The following GMDS variants were observed in gnomAD, a reference collection of about 807,000 sequenced individuals.
GMDS encodes the protein GDP-mannose 4,6 dehydratase.
Under a neutral mutation model 49.9 loss-of-function variants are expected in GMDS, and 20 were observed. That is an observed-to-expected ratio of 0.40 (90% confidence interval 0.28 to 0.58). The LOEUF (loss-of-function observed/expected upper bound fraction) is 0.58. Among genes scored for constraint, GMDS ranks in the 20% least tolerant of loss-of-function variants. GMDS has a pLI of 0.42. For missense variants in GMDS, 362 were observed against 481.4 expected (o/e 0.75, Z 2.32); for synonymous variants, 177 against 178.6 (o/e 0.99, Z 0.07).
intron 9 of GMDS, among the ~76,000 whole-genome samples, chr6:1,654,251 C>T (rs1321879012): frequency 1.3e-5 from 2 of 152,192 alleles, no homozygotes; most frequent in Non-Finnish European, 2.9e-5. Flanking sequence ...GGCATTTCCA[C>T]TTCTGGGCTA....
chr6:1,718,079 T>C (rs1766234418), intron 9 of GMDS, among the ~76,000 whole-genome samples: 2 of 152,212 alleles, frequency 1.3e-5, no homozygotes, highest in African/African-American at 4.8e-5. Flanking sequence ...AATATGTTTC[T>C]GAGACTTACC....
intron 9 of GMDS, among the ~76,000 whole-genome samples, chr6:1,641,730 CTCTT>C (rs953022545): frequency 6.6e-5 from 10 of 150,848 alleles, no homozygotes; most frequent in African/African-American, 2.5e-4. Flanking sequence ...CTCTCTCTCT[CTCTT>C]TTCTATCCCT....
Position 2,160,594 on chromosome 6 carries a change from T to A in GMDS, c.103-35863A>T, listed in dbSNP as rs970344860. Among the ~76,000 whole-genome samples the A allele has an allele frequency of 7.2e-5, 11 of 152,214 alleles. No homozygotes were observed. In the East Asian group the frequency reaches 2.1e-3, roughly 29 times the overall value. On this transcript the variant is annotated intron_variant, in intron 1 of 10. Coordinates refer to ENST00000380815, the MANE Select transcript of GMDS (RefSeq NM_001500.4). ...GAGACAGGTGTTGCCCAGGCTGCAG[T>A]GTAGTGGTGCCATCATGGCTCGCTA...
At chr6:1,791,809 ATTT>A (rs566276970) in intron 7 of GMDS, among the ~76,000 whole-genome samples, 3 of 152,180 alleles carry the variant, frequency 2.0e-5, no homozygotes, top group African/African-American at 7.2e-5. Context: ...CAAATGACAC[ATTT>A]TTTAATGAAT....
intron 9 of GMDS, among the ~76,000 whole-genome samples, chr6:1,644,272 T>C (rs1214438787): frequency 6.6e-6 from 1 of 152,202 alleles, no homozygotes; most frequent in South Asian, 2.1e-4. Context: ...CGGATGGCAC[T>C]GCAGCTGTGA....
chr6:1,710,353 G>A (rs1384734680), intron 9 of GMDS, among the ~76,000 whole-genome samples: 1 of 152,250 alleles, frequency 6.6e-6, no homozygotes, highest in Non-Finnish European at 1.5e-5. Context: ...CAATCACACT[G>A]ATTGATCAGA....
At chr6:1,689,919 A>ATG (rs397820162) in intron 9 of GMDS, among the ~76,000 whole-genome samples, 2 of 151,502 alleles carry the variant, frequency 1.3e-5, no homozygotes, top group East Asian at 3.9e-4. Context: ...TAGATAACAT[A>ATG]AAGCATGACC....
chr6:2,222,527 C>G (rs1383849022), intron 1 of GMDS, among the ~76,000 whole-genome samples: 1 of 152,178 alleles, frequency 6.6e-6, no homozygotes, highest in Non-Finnish European at 1.5e-5. Flanking sequence ...GTCCTTGAGG[C>G]ATACTGATTC....
At chr6:2,035,810 C>T (rs1445584465) in intron 4 of GMDS, among the ~76,000 whole-genome samples, 1 of 152,092 alleles carries the variant, frequency 6.6e-6, no homozygotes, top group Non-Finnish European at 1.5e-5. Context: ...CCTCAGCCTC[C>T]TGAGCAGCTA....
intron 1 of GMDS, among the ~76,000 whole-genome samples, chr6:2,210,591 C>A (rs1327890875): frequency 6.6e-6 from 1 of 152,034 alleles, no homozygotes; most frequent in African/African-American, 2.4e-5. Flanking sequence ...TGCTTACTCC[C>A]AAGGTGGGAA....
intron 9 of GMDS, among the ~76,000 whole-genome samples, chr6:1,706,557 G>T (rs1283623909): frequency 6.6e-6 from 1 of 152,184 alleles, no homozygotes; most frequent in Non-Finnish European, 1.5e-5. Flanking sequence ...GTTCGCTAAT[G>T]AACATTTGGA....
rs34633662 is a variant in GMDS at position 1,833,126 on chromosome 6, CTTTTTTTTTTTT to C, written c.772-90552_772-90541del. ...ACCCGGCAGTGGAGCGTATGAAAGC[CTTTTTTTTTTTT>C]TTTTTTTTTTTAAACTAATGCACTG... On this transcript the variant is annotated intron_variant, in intron 7 of 10. Coordinates refer to ENST00000380815, the MANE Select transcript of GMDS (RefSeq NM_001500.4). This position sits in a 1 kb window ranked among gnomAD's most constrained non-coding sequence, Gnocchi z 4.4. 8.1e-6 allele frequency among the ~76,000 whole-genome samples: 1 copy of C among 123,394 alleles called. No homozygotes were observed. The highest frequency in any genetic ancestry group is 1.7e-5 in the Non-Finnish European group (1 of 59,582). The allele number at this position is 123,394 out of a possible 152,430, so 81.0% of individuals were successfully genotyped here.
At chr6:1,647,927 A>G (rs1763536356) in intron 9 of GMDS, among the ~76,000 whole-genome samples, 1 of 152,020 alleles carries the variant, frequency 6.6e-6, no homozygotes, top group African/African-American at 2.4e-5. Flanking sequence ...CTTCCCTTGA[A>G]CCACAGCTGT....
At chr6:1,768,272 C>T (rs1768437331) in intron 7 of GMDS, among the ~76,000 whole-genome samples, 1 of 152,060 alleles carries the variant, frequency 6.6e-6, no homozygotes, top group Non-Finnish European at 1.5e-5. Flanking sequence ...TCTATTATAT[C>T]CACAAATATT....
At position 2,114,492 on chromosome 6, in the gene GMDS, A is replaced by C. The variant is rs561680864; in HGVS notation, c.345+1279T>G. Among the ~76,000 whole-genome samples, 6 of 152,348 alleles carry C rather than the reference A, an allele frequency of 3.9e-5. No individual in the cohort carries two copies. In the South Asian group the frequency reaches 1.2e-3, roughly 32 times the overall value. ...CACAGTATGCATAAGAGACTTTCCA[A>C]AATGAAAAAACACATGGAGAATCAT... is the stretch of plus-strand genomic sequence containing the variant. On this transcript the variant is annotated intron_variant, in intron 4 of 10. Coordinates refer to ENST00000380815, the MANE Select transcript of GMDS (RefSeq NM_001500.4).
intron 9 of GMDS, among the ~76,000 whole-genome samples, chr6:1,639,915 C>T (rs1763275422): frequency 6.6e-6 from 1 of 152,174 alleles, no homozygotes. Context: ...CAGATCCAAG[C>T]TGAATTCCAG....
chr6:2,171,703 G>A (rs1778014433), intron 1 of GMDS, among the ~76,000 whole-genome samples: 1 of 152,154 alleles, frequency 6.6e-6, no homozygotes, highest in Non-Finnish European at 1.5e-5. Flanking sequence ...AATACATAGT[G>A]TGAAACTATT....
At chr6:2,126,522 A>G (rs1337932722) in intron 1 of GMDS, among the ~76,000 whole-genome samples, 1 of 152,238 alleles carries the variant, frequency 6.6e-6, no homozygotes, top group East Asian at 1.9e-4. Flanking sequence ...AGGACTGCCA[A>G]GTGTGTGTTT....
chr6:1,850,299 A>G (rs1757604770), intron 7 of GMDS, among the ~76,000 whole-genome samples: 1 of 152,110 alleles, frequency 6.6e-6, no homozygotes, highest in African/African-American at 2.4e-5. Flanking sequence ...CTCATTAGAA[A>G]CTCATTATTA....
Sources: allele counts gnomAD v4.1 joint callset (sites outside exome capture counted in the v4.1 genomes callset), GRCh38; gene constraint gnomAD v4.1.1; non-coding constraint Gnocchi (gnomAD v3.1); transcripts MANE v1.5; gene names NCBI Gene and HGNC (gene_info 2026-07-23, HGNC 2026-07-21).